Variants in ARID1A observed in about 807,000 individuals in gnomAD.
The protein encoded by ARID1A is AT-rich interactive domain-containing protein 1A.
Under a neutral mutation model 212.6 loss-of-function variants are expected in ARID1A, and 20 were observed. The observed-to-expected ratio is 0.09, with a 90% CI of 0.07 to 0.14. The LOEUF (loss-of-function observed/expected upper bound fraction) is 0.14. ARID1A is among the 10% of genes least tolerant of loss of function. The pLI, the probability that ARID1A is intolerant of heterozygous loss-of-function variation, is 1.00. For synonymous variants in ARID1A, 1,376 were observed against 1,222.1 expected, an observed-to-expected ratio of 1.13 and a Z score of -2.63; for missense variants, 2,587 against 3,059.0, an observed-to-expected ratio of 0.85 and a Z score of 3.64.
chr1:26,769,190 T>C (rs2081063804), intron 11 of ARID1A: 1 of 152,108 alleles, frequency 6.6e-6, no homozygotes, highest in Admixed American at 6.5e-5. Flanking sequence ...AAAGGGAGCA[T>C]TGGGTTAGGT....
Position 26,696,570 on chromosome 1 carries a change from A to G in ARID1A, c.167A>G (p.Gln56Arg), listed in dbSNP as rs1034809221. 2.5e-6 allele frequency: 3 copies of G among 1,221,064 alleles called. No individual in the cohort carries two copies. Among genetic ancestry groups the G allele is most frequent in the Non-Finnish European group, 3.0e-6 (3 of 984,200 alleles). 75.6% of individuals were successfully genotyped at this position (1,221,064 alleles called of 1,614,324 possible). A position where few individuals can be genotyped will look rare whatever the true frequency, so the allele number is the denominator to read the frequency against. The change falls in exon 1 of 20, where the codon CAG becomes CGG. Residue 56 changes from glutamine (Q) to arginine (R), a missense_variant. By Grantham distance (43) the Gln-to-Arg change is conservative. Transcript: ENST00000324856. ...GGGGAAATGAAGGCAGCCGCCGGGC[A>G]GGAAAGCGAGGGCCCCGCCGTGGGG... ...ERGEMKAAAG[Q>R]ESEGPAVGPP...
At chr1:26,734,636 T>C (rs2080712013) in intron 4 of ARID1A, among the ~76,000 whole-genome samples, 1 of 152,224 alleles carries the variant, frequency 6.6e-6, no homozygotes, top group African/African-American at 2.4e-5. Context: ...TTTGAATTGC[T>C]TTTTATCCCT....
At chr1:26,706,314 C>T (rs1235215726) in intron 1 of ARID1A, among the ~76,000 whole-genome samples, 2 of 152,184 alleles carry the variant, frequency 1.3e-5, no homozygotes, top group African/African-American at 2.4e-5. Context: ...ATGCTTTTCT[C>T]TCTTAAACTT....
At position 26,708,574 on chromosome 1, in the gene ARID1A, G is replaced by A. The variant is rs1464796419; in HGVS notation, c.1137+11034G>A. On this transcript the variant is annotated intron_variant, in intron 1 of 19. Coordinates refer to ENST00000324856, the MANE Select transcript of ARID1A (RefSeq NM_006015.6). ...GCTGGGATTACAGGTGCGAGCCACC[G>A]CACCCAGCCAGAGTCTTTCACTTTG... 7.3e-5 allele frequency among the ~76,000 whole-genome samples: 11 copies of A among 151,692 alleles called. No individual in the cohort carries two copies. In the East Asian group the frequency reaches 1.6e-3, roughly 21 times the overall value.
At chr1:26,702,021 G>C (rs1433166578) in intron 1 of ARID1A, among the ~76,000 whole-genome samples, 1 of 152,170 alleles carries the variant, frequency 6.6e-6, no homozygotes, top group African/African-American at 2.4e-5. Context: ...ATATTCATAA[G>C]TTCAGTGTTG....
Position 26,696,304 on chromosome 1 carries a change from G to T in ARID1A, c.-100G>T. 1.7e-6 allele frequency: 2 copies of T among 1,184,666 alleles called. No individual in the cohort carries two copies. The highest frequency in any genetic ancestry group is 4.2e-5 in the South Asian group (1 of 23,912). 73.4% of individuals were successfully genotyped at this position (1,184,666 alleles called of 1,614,324 possible). A position where few individuals can be genotyped will look rare whatever the true frequency, so the allele number is the denominator to read the frequency against. On this transcript the variant is annotated 5_prime_UTR_variant, in exon 1 of 20. Coordinates refer to ENST00000324856, the MANE Select transcript of ARID1A (RefSeq NM_006015.6). ...CCCCGCGAGGCCCGCCCGGGCGGGT[G>T]GGGAGGGCAGCCCGGGGGACTGGGC... is the stretch of plus-strand genomic sequence containing the variant.
intron 11 of ARID1A, chr1:26,770,347 C>A (rs930061486): frequency 5.3e-5 from 8 of 151,992 alleles, no homozygotes; most frequent in Admixed American, 3.9e-4. Flanking sequence ...GAGCCACCAC[C>A]CCAAGAAAAA....
intron 7 of ARID1A, 28 bp from the exon 8 acceptor site, chr1:26,762,945 A>AC (rs761189783): frequency 1.6e-5 from 25 of 1,549,736 alleles, no homozygotes; most frequent in Non-Finnish European, 1.9e-5. Context: ...TGAGTGACTA[A>AC]CCAAGTCTTG....
chr1:26,773,472 A>G lies in ARID1A; in HGVS notation c.3842A>G (p.Tyr1281Cys), dbSNP rs1332846960. 3.1e-6 allele frequency: 5 copies of G among 1,613,240 alleles called. No individual in the cohort carries two copies. The highest frequency in any genetic ancestry group is 2.2e-5 in the South Asian group (2 of 90,958). The stretch of plus-strand genomic sequence containing the variant: ...ATGGGACCACGACAGCACTATCCCT[A>G]TGGAGGTCCTTATGACAGAGTGAGG... ...VAMGPRQHYP[Y>C]GGPYDRVRTE... is the part of the protein sequence containing the mutation. Residue 1281 changes from tyrosine to cysteine, a missense_variant, in exon 15 of 20, where the codon TAT becomes TGT. By Grantham distance (194) the Tyr-to-Cys change is radical. Around this residue, in one of 11 missense-constraint regions of ARID1A, gnomAD observed 890 missense variants for 1,098.2 expected, o/e 0.81. Transcript: ENST00000324856.
At chr1:26,716,203 CAAAA>C (rs111787612) in intron 1 of ARID1A, among the ~76,000 whole-genome samples, 26 of 64,904 alleles carry the variant, frequency 4.0e-4, no homozygotes, top group Admixed American at 3.1e-3. Flanking sequence ...GATTCCGTCT[CAAAA>C]AAAAAAAAAA....
At position 26,697,053 on chromosome 1, in the gene ARID1A, C is replaced by G. The variant is rs2080272772; in HGVS notation, c.650C>G (p.Pro217Arg). The G allele has an allele frequency of 6.5e-7, 1 of 1,531,164 alleles. No individual in the cohort carries two copies. The highest frequency in any genetic ancestry group is 1.4e-5 in the African/African-American group (1 of 69,378). The allele number at this position is 1,531,164 out of a possible 1,614,324, so 94.8% of individuals were successfully genotyped here. A position where few individuals can be genotyped will look rare whatever the true frequency, so the allele number is the denominator to read the frequency against. Residue 217 changes from proline to arginine, a missense_variant, in exon 1 of 20, where the codon CCC becomes CGC. By Grantham distance (103) the Pro-to-Arg change is moderately radical (BLOSUM62 -2). Coordinates refer to ENST00000324856, the MANE Select transcript of ARID1A (RefSeq NM_006015.6). ...FPNHQYNSYY[P>R]NRSAYPPPAP... is the part of the protein sequence containing the mutation. ...AACCACCAGTACAACTCCTACTACC[C>G]CAACCGCAGCGCCTACCCCCCGCCC... is the stretch of plus-strand genomic sequence containing the variant.
chr1:26,741,770 C>A (rs1407304735), intron 4 of ARID1A, among the ~76,000 whole-genome samples: 3 of 152,162 alleles, frequency 2.0e-5, no homozygotes, highest in Non-Finnish European at 4.4e-5. Flanking sequence ...CAAATTATCC[C>A]TTGAGTTTCT....
chr1:26,769,394 G>A (rs1010067982), intron 11 of ARID1A: 2 of 152,244 alleles, frequency 1.3e-5, no homozygotes, highest in African/African-American at 4.8e-5. Flanking sequence ...AAGTTAGTTT[G>A]TGAAGGCTCC....
chr1:26,757,736 T>C (rs188013309), intron 4 of ARID1A, among the ~76,000 whole-genome samples: 6 of 152,154 alleles, frequency 3.9e-5, no homozygotes, highest in Admixed American at 1.3e-4. Context: ...GGTGCTATCT[T>C]GGCACACTGT....
intron 1 of ARID1A, among the ~76,000 whole-genome samples, 188 bp downstream of exon 1, chr1:26,697,728 C>G (rs917778658): frequency 6.6e-6 from 1 of 151,972 alleles, no homozygotes. Context: ...CCTCCTTCAG[C>G]CTTTGTGTTG....
intron 14 of ARID1A, 79 bp downstream of exon 14, chr1:26,773,066 T>C (rs978637053): frequency 6.5e-7 from 1 of 1,535,482 alleles, no homozygotes; most frequent in Non-Finnish European, 8.8e-7. Flanking sequence ...TGAGAATGGC[T>C]CAGGGTTCTT....
rs2081175768 is a variant in ARID1A at position 26,779,968 on chromosome 1, C to T, written c.6070C>T (p.Arg2024Trp). 6.2e-6 allele frequency: 10 copies of T among 1,614,032 alleles called. No individual in the cohort carries two copies. Among genetic ancestry groups the T allele is most frequent in the African/African-American group, 1.3e-5 (1 of 74,926 alleles). The change falls in exon 20 of 20, where the codon CGG (arginine) becomes TGG (tryptophan). Residue 2024 changes from arginine (R) to tryptophan (W), a missense_variant. Physicochemically the swap from Arg to Trp is moderately radical, Grantham distance 101. Coordinates refer to ENST00000324856, the MANE Select transcript of ARID1A (RefSeq NM_006015.6). ...LILLHHKHPE[R>W]KQAPLTYEKE... is the part of the protein sequence containing the mutation. ...CCTGCTGCACCACAAGCACCCAGAACGGAAGCAGGCACCACTAACTTATGA... is the reference window on the plus strand; with the variant it reads ...CCTGCTGCACCACAAGCACCCAGAATGGAAGCAGGCACCACTAACTTATGA...
At chr1:26,699,594 A>G (rs2080312780) in intron 1 of ARID1A, among the ~76,000 whole-genome samples, 1 of 152,214 alleles carries the variant, frequency 6.6e-6, no homozygotes, top group Non-Finnish European at 1.5e-5. Flanking sequence ...GACAAGAAAT[A>G]GGGAAATGTT....
In ARID1A at chr1:26,696,624, A is replaced by G. The variant is rs2080256970; in HGVS notation, c.221A>G (p.Gln74Arg). ...GPPQPLGKEL[Q>R]DGAESNGGGG... ...CCGCAGCCGCTGGGAAAGGAGCTGC[A>G]GGACGGGGCCGAGAGCAATGGGGGT... Residue 74 changes from glutamine to arginine, a missense_variant, in exon 1 of 20, where the codon CAG (glutamine) becomes CGG (arginine). Physicochemically the swap from Gln to Arg is conservative, Grantham distance 43 (BLOSUM62 1). Around this residue, in one of 11 missense-constraint regions of ARID1A, gnomAD observed 735 missense variants for 590.6 expected, o/e 1.24. Transcript: ENST00000324856. The G allele has an allele frequency of 1.6e-6, 2 of 1,260,214 alleles. No homozygotes were observed. Among genetic ancestry groups the G allele is most frequent in the Non-Finnish European group, 9.9e-7 (1 of 1,006,314 alleles). 78.1% of individuals were successfully genotyped at this position (1,260,214 alleles called of 1,614,324 possible).
Sources: gnomAD v4.1 joint callset for allele counts (sites outside exome capture counted in the v4.1 genomes callset) on GRCh38, gnomAD v4.1.1 for gene constraint, gnomAD v4.1.1 regional missense constraint, MANE v1.5 for transcripts, NCBI Gene and HGNC (gene_info 2026-07-23, HGNC 2026-07-21) for gene names.